Variants in CDH13 observed in about 807,000 individuals in gnomAD.
The protein encoded by CDH13 is cadherin-13.
Under a neutral mutation model 63.8 loss-of-function variants are expected in CDH13, and 24 were observed. That is an observed-to-expected ratio of 0.38 (90% CI 0.27 to 0.53). CDH13 has a LOEUF of 0.53. Among genes scored for constraint, CDH13 ranks in the 20% least tolerant of loss-of-function variants. The pLI is 0.85. For synonymous variants in CDH13, 503 were observed against 355.3 expected (o/e 1.42, Z -4.67); for missense variants, 1,049 against 903.1 (o/e 1.16, Z -2.07).
intron 6 of CDH13, among the ~76,000 whole-genome samples, chr16:83,416,362 A>G (rs2071549974): frequency 6.6e-6 from 1 of 152,162 alleles, no homozygotes; most frequent in Non-Finnish European, 1.5e-5. Context: ...TTTCAGTGGC[A>G]TTTTTTACAG....
At chr16:82,734,375 A>C (rs972841912) in intron 1 of CDH13, among the ~76,000 whole-genome samples, 3 of 152,158 alleles carry the variant, frequency 2.0e-5, no homozygotes, top group Non-Finnish European at 4.4e-5. Context: ...TTCCAGGGAG[A>C]GGGGACAGGC....
intron 6 of CDH13, among the ~76,000 whole-genome samples, chr16:83,369,912 A>G (rs1315798087): frequency 6.6e-6 from 1 of 152,048 alleles, no homozygotes; most frequent in Non-Finnish European, 1.5e-5. Flanking sequence ...GGTAAACTCA[A>G]CCACCTGGCT....
At chr16:82,981,646 T>C (rs1192761875) in intron 2 of CDH13, among the ~76,000 whole-genome samples, 1 of 152,186 alleles carries the variant, frequency 6.6e-6, no homozygotes, top group Non-Finnish European at 1.5e-5. Flanking sequence ...GAAAAGAAAT[T>C]CATGAAAAAC....
chr16:83,476,666 G>A (rs780216773), intron 6 of CDH13, among the ~76,000 whole-genome samples: 1 of 152,012 alleles, frequency 6.6e-6, no homozygotes, highest in Non-Finnish European at 1.5e-5. Context: ...GTGACAAAGC[G>A]AGACTGTCTC....
At chr16:83,506,232 A>C (rs1469652846) in intron 7 of CDH13, among the ~76,000 whole-genome samples, 1 of 152,208 alleles carries the variant, frequency 6.6e-6, no homozygotes, top group African/African-American at 2.4e-5. Flanking sequence ...TGAAGAGTAT[A>C]GACAAGCTCC....
chr16:83,128,106 C>G (rs751204943), intron 4 of CDH13, among the ~76,000 whole-genome samples: 1 of 152,206 alleles, frequency 6.6e-6, no homozygotes, highest in Non-Finnish European at 1.5e-5. Context: ...CTTCTCAGCT[C>G]TCACCATGCA....
intron 2 of CDH13, among the ~76,000 whole-genome samples, chr16:82,939,589 T>G (rs2042771286): frequency 6.6e-6 from 1 of 151,882 alleles, no homozygotes; most frequent in Admixed American, 6.6e-5. Flanking sequence ...CAAGTATGGG[T>G]TAGATATTCT....
chr16:83,342,843 G>GTTTTTTTTTTTTTTTTTTTTTTTTTTGT (rs778316746), intron 5 of CDH13, among the ~76,000 whole-genome samples: 1 of 65,316 alleles, frequency 1.5e-5, no homozygotes, highest in Non-Finnish European at 2.6e-5. Context: ...TTTTGTTTCT[G>GTTTTTTTTTTTTTTTTTTTTTTTTTTGT]TTTTTTTTTT....
intron 6 of CDH13, among the ~76,000 whole-genome samples, chr16:83,377,884 G>A (rs530257493): frequency 6.2e-4 from 94 of 152,272 alleles, no homozygotes; most frequent in Middle Eastern, 3.4e-3. Flanking sequence ...TTAGAAAAAG[G>A]TGTCCCCTTC....
In CDH13 at chr16:83,780,035, G is replaced by T. The variant is rs541617175; in HGVS notation, c.1749G>T (p.Pro583=). 3.7e-6 allele frequency: 6 copies of T among 1,613,806 alleles called. No homozygotes were observed. The highest frequency in any genetic ancestry group is 5.1e-6 in the Non-Finnish European group (6 of 1,179,880). Residue 583 remains proline, a synonymous_variant, in exon 12 of 14, where the codon CCG becomes CCT. Transcript: ENST00000567109. ...ITLEDVNDNA[P]FIYPTVAEVC... Reference sequence around the variant, plus strand: ...TGGAGGACGTGAATGACAATGCCCCGTTCATTTACCCCACAGTAGCTGAAG... The same window carrying T: ...TGGAGGACGTGAATGACAATGCCCCTTTCATTTACCCCACAGTAGCTGAAG...
chr16:83,628,604 A>G (rs1024236831), intron 8 of CDH13, among the ~76,000 whole-genome samples: 1 of 152,182 alleles, frequency 6.6e-6, no homozygotes, highest in African/African-American at 2.4e-5. Context: ...ACTAACCACA[A>G]GCTCTTCCCA....
At chr16:82,970,382 C>CT (rs558393653) in intron 2 of CDH13, among the ~76,000 whole-genome samples, 2,033 of 76,778 alleles carry the variant, frequency 0.026, 481 homozygotes, top group Non-Finnish European at 0.034. Flanking sequence ...AGTGCATATT[C>CT]TTTTTTTTTT....
intron 5 of CDH13, among the ~76,000 whole-genome samples, chr16:83,279,609 C>T (rs117218257): frequency 0.021 from 3,126 of 152,162 alleles, 54 homozygotes; most frequent in Middle Eastern, 0.051. Flanking sequence ...TGGAAGGAAC[C>T]GGCTATTAAA....
At chr16:83,294,735 C>G (rs1197126981) in intron 5 of CDH13, among the ~76,000 whole-genome samples, 1 of 151,622 alleles carries the variant, frequency 6.6e-6, no homozygotes, top group African/African-American at 2.4e-5. Flanking sequence ...TTGAAGAAAA[C>G]AAAAATAAAT....
chr16:83,360,682 T>C (rs575671301), intron 6 of CDH13, among the ~76,000 whole-genome samples: 1 of 152,192 alleles, frequency 6.6e-6, no homozygotes, highest in East Asian at 1.9e-4. Context: ...TATGTTTAGC[T>C]CCCACTTATA....
chr16:83,755,184 A>T (rs921765282), intron 11 of CDH13, among the ~76,000 whole-genome samples: 1 of 152,326 alleles, frequency 6.6e-6, no homozygotes, highest in Middle Eastern at 3.4e-3. Context: ...CAGAACTGAA[A>T]TACATATTAT....
At chr16:82,726,721 G>C (rs1002425901) in intron 1 of CDH13, among the ~76,000 whole-genome samples, 2 of 152,254 alleles carry the variant, frequency 1.3e-5, no homozygotes, top group Admixed American at 6.5e-5. Flanking sequence ...AGAGTTAGCA[G>C]AGATTAAGTG....
chr16:82,648,034 G>C (rs1383435863), intron 1 of CDH13, among the ~76,000 whole-genome samples: 1 of 152,194 alleles, frequency 6.6e-6, no homozygotes, highest in East Asian at 1.9e-4. Flanking sequence ...TCTCTTGCCT[G>C]CTGCCATGTG....
At chr16:83,435,142 G>T (rs1245040957) in intron 6 of CDH13, among the ~76,000 whole-genome samples, 4 of 151,746 alleles carry the variant, frequency 2.6e-5, no homozygotes, top group African/African-American at 9.7e-5. Context: ...CACCTCCCCA[G>T]TTCAAGTGAT....
Sources: allele counts gnomAD v4.1 joint callset (sites outside exome capture counted in the v4.1 genomes callset), GRCh38; gene constraint gnomAD v4.1.1; transcripts MANE v1.5; gene names NCBI Gene and HGNC (gene_info 2026-07-23, HGNC 2026-07-21).